The following SYT10 variants were observed in gnomAD, a reference collection of about 807,000 sequenced individuals.
SYT10 encodes the protein synaptotagmin 10, also known as synaptotagmin-10.
In SYT10, 31 loss-of-function variants were observed where a neutral mutation model predicts 51.1. The ratio of observed to expected loss-of-function variants is 0.61; its 90% confidence interval spans 0.46 to 0.82. SYT10 has a LOEUF of 0.82. Among genes scored for constraint, SYT10 ranks in the 40% least tolerant of loss-of-function variants. The probability of loss-of-function intolerance (pLI) is 0.00; values close to 1 mark genes in which losing one functional copy is unlikely to be tolerated. For missense variants in SYT10, 603 were observed against 634.0 expected (o/e 0.95, Z 0.53); for synonymous variants, 233 against 225.9 (o/e 1.03, Z -0.28).
intron 1 of SYT10, among the ~76,000 whole-genome samples, chr12:33,434,129 A>C (rs943019575): frequency 1.3e-5 from 2 of 152,202 alleles, no homozygotes; most frequent in African/African-American, 4.8e-5. Context: ...TATATTGAAC[A>C]GAGATTCTAG....
At chr12:33,396,899 A>G (rs1866261179) in intron 3 of SYT10, among the ~76,000 whole-genome samples, 1 of 152,112 alleles carries the variant, frequency 6.6e-6, no homozygotes, top group Non-Finnish European at 1.5e-5. Context: ...CGGCCTCCCA[A>G]AGTGCTGGGA....
At chr12:33,386,150 A>G (rs1866154594) in intron 3 of SYT10, among the ~76,000 whole-genome samples, 1 of 152,118 alleles carries the variant, frequency 6.6e-6, no homozygotes, top group Admixed American at 6.6e-5. Context: ...CCACCTGAGT[A>G]GCTGGGATTA....
intron 1 of SYT10, among the ~76,000 whole-genome samples, chr12:33,436,504 T>C (rs1866638599): frequency 6.6e-6 from 1 of 152,132 alleles, no homozygotes; most frequent in Admixed American, 6.5e-5. Context: ...TTAGTGTAAG[T>C]CTTCACCAAT....
chr12:33,393,359 C>A (rs2138398272), intron 3 of SYT10, among the ~76,000 whole-genome samples: 1 of 152,294 alleles, frequency 6.6e-6, no homozygotes, highest in East Asian at 1.9e-4. Context: ...TATTCTCAAA[C>A]TTCCATCATC....
At chr12:33,432,646 C>T (rs1866606669) in intron 1 of SYT10, 1 of 151,998 alleles carries the variant, frequency 6.6e-6, no homozygotes, top group Non-Finnish European at 1.5e-5. Context: ...ACTAAAACAT[C>T]ACTAAGGGAA....
chr12:33,390,891 G>A (rs1866199429), intron 3 of SYT10, among the ~76,000 whole-genome samples: 2 of 152,072 alleles, frequency 1.3e-5, no homozygotes, highest in South Asian at 2.1e-4. Flanking sequence ...AAGCTTTAAC[G>A]ATAACACAGG....
At chr12:33,427,834 T>G (rs1026302516) in intron 1 of SYT10, among the ~76,000 whole-genome samples, 9 of 152,352 alleles carry the variant, frequency 5.9e-5, no homozygotes, top group South Asian at 2.1e-4. Context: ...TCAAAAAATT[T>G]TAAATGACTT....
intron 3 of SYT10, among the ~76,000 whole-genome samples, chr12:33,389,766 A>T (rs1866188142): frequency 6.6e-6 from 1 of 152,220 alleles, no homozygotes; most frequent in Non-Finnish European, 1.5e-5. Flanking sequence ...TTTTCTTCAC[A>T]CAGTTAAAAG....
Position 33,406,793 on chromosome 12 carries a change from G to A in SYT10, c.1073C>T (p.Thr358Ile), listed in dbSNP as rs777388386. ...ATTGGTGGAATTACTACTTACTGTG[G>A]TAGCACAGTGAATATCTTTCCATAC... is the stretch of plus-strand genomic sequence containing the variant. The part of the protein sequence containing the change: ...ATVWKDIHCA[T>I]TESIDLGEIM... The change falls in exon 3 of 7, where the codon ACC becomes ATC. Residue 358 changes from threonine to isoleucine, a missense_variant. Transcript: ENST00000228567. 6.2e-7 allele frequency: 1 copy of A among 1,602,202 alleles called. No individual in the cohort carries two copies. Among genetic ancestry groups the A allele is most frequent in the Admixed American group, 1.7e-5 (1 of 58,926 alleles).
chr12:33,439,664 A>T lies in SYT10; in HGVS notation c.-142T>A. 9.9e-7 allele frequency: 1 copy of T among 1,015,054 alleles called. No individual in the cohort carries two copies. The highest frequency in any genetic ancestry group is 2.4e-4 in the Middle Eastern group (1 of 4,214). 62.9% of individuals were successfully genotyped at this position (1,015,054 alleles called of 1,614,324 possible). On this transcript the variant is annotated 5_prime_UTR_variant, in exon 1 of 7. The change creates a new upstream start codon in the 5' untranslated region. Transcript: ENST00000228567. ...GAGATTGCGCCGCTGAGAGCCGGCA[A>T]CTCTTAGGAGCCCCACGTTGGCCCC...
In SYT10 at chr12:33,394,139, G is replaced by A. The variant is rs77519657; in HGVS notation, c.1078-8848C>T. Among the ~76,000 whole-genome samples, 128 of 152,252 alleles carry A rather than the reference G, an allele frequency of 8.4e-4. No homozygotes were observed. In the East Asian group the frequency reaches 0.018, roughly 22 times the overall value. On this transcript the variant is annotated intron_variant, in intron 3 of 6. Coordinates refer to ENST00000228567, the MANE Select transcript of SYT10 (RefSeq NM_198992.4). Reference sequence around the variant, plus strand: ...TGTGTCCAGTTATCTACACTCTTCCGTAGACTGGTATTTGATAGGTGCCAG... The same window carrying A: ...TGTGTCCAGTTATCTACACTCTTCCATAGACTGGTATTTGATAGGTGCCAG...
At chr12:33,389,273 T>C (rs1475465084) in intron 3 of SYT10, among the ~76,000 whole-genome samples, 2 of 152,110 alleles carry the variant, frequency 1.3e-5, no homozygotes, top group South Asian at 4.1e-4. Context: ...CGTAGGTTCC[T>C]GGGTCAAAAA....
rs895093218 is a variant in SYT10, at chr12:33,376,472, T to C, written c.*358A>G. On this transcript the variant is annotated 3_prime_UTR_variant, in exon 7 of 7. Transcript: ENST00000228567. The stretch of plus-strand genomic sequence containing the variant: ...AAATCAAACCCATACATATATGACA[T>C]GTGCTACTTTATACAATAGCAGCAT... 1.9e-5 allele frequency: 4 copies of C among 212,226 alleles called. No individual in the cohort carries two copies. The highest frequency in any genetic ancestry group is 9.1e-5 in the African/African-American group (4 of 43,834). 13.1% of individuals were successfully genotyped at this position (212,226 alleles called of 1,614,324 possible). A position where few individuals can be genotyped will look rare whatever the true frequency, so the allele number is the denominator to read the frequency against.
At chr12:33,418,200 C>T (rs1866471606) in intron 2 of SYT10, among the ~76,000 whole-genome samples, 4 of 152,124 alleles carry the variant, frequency 2.6e-5, no homozygotes, top group Admixed American at 2.6e-4. Flanking sequence ...GGGCTTAGCA[C>T]ACTCCTCTGA....
chr12:33,412,774 C>G (rs1390483455), intron 2 of SYT10, among the ~76,000 whole-genome samples: 1 of 152,124 alleles, frequency 6.6e-6, no homozygotes, highest in African/African-American at 2.4e-5. Flanking sequence ...AAAATCAGAG[C>G]ACCTCTCCCG....
intron 3 of SYT10, among the ~76,000 whole-genome samples, chr12:33,403,406 T>C (rs910846404): frequency 6.6e-5 from 10 of 151,974 alleles, no homozygotes; most frequent in African/African-American, 2.2e-4. Context: ...TAATTTTTTA[T>C]TTTTAGTAGA....
chr12:33,421,967 C>A (rs1052884592), intron 2 of SYT10, among the ~76,000 whole-genome samples: 1 of 151,820 alleles, frequency 6.6e-6, no homozygotes, highest in Non-Finnish European at 1.5e-5. Context: ...TAGTGAGCAA[C>A]CATGGAAGAT....
chr12:33,390,585 A>T (rs946730010), intron 3 of SYT10, among the ~76,000 whole-genome samples: 5 of 152,180 alleles, frequency 3.3e-5, no homozygotes, highest in African/African-American at 1.2e-4. Flanking sequence ...TATATAAAAT[A>T]AATAATTTGC....
chr12:33,390,413 A>C (rs999776106), intron 3 of SYT10, among the ~76,000 whole-genome samples: 1 of 152,188 alleles, frequency 6.6e-6, no homozygotes, highest in Non-Finnish European at 1.5e-5. Context: ...CAAGAGGATT[A>C]TCTGATGTGT....
Sources: gnomAD v4.1 joint callset for allele counts (sites outside exome capture counted in the v4.1 genomes callset) on GRCh38, gnomAD v4.1.1 for gene constraint, MANE v1.5 for transcripts, NCBI Gene and HGNC (gene_info 2026-07-23, HGNC 2026-07-21) for gene names.